STK33: variants seen among roughly 807,000 people sequenced by gnomAD.
STK33 encodes serine/threonine-protein kinase 33.
A neutral mutation model predicts 58.0 loss-of-function variants in STK33; 52 were observed. The ratio of observed to expected loss-of-function variants is 0.90; its 90% CI spans 0.72 to 1.13. The LOEUF is 1.13. STK33 is among the 50% of genes most tolerant of loss of function. The pLI is 0.00. For missense variants in STK33, 630 were observed against 604.2 expected (o/e 1.04, Z -0.45); for synonymous variants, 215 against 200.1 (o/e 1.07, Z -0.63).
intron 1 of STK33, among the ~76,000 whole-genome samples, chr11:8,532,144 T>C (rs1377357516): frequency 6.6e-6 from 1 of 152,252 alleles, no homozygotes; most frequent in Non-Finnish European, 1.5e-5. Context: ...CATCCCAGAC[T>C]GATTCTGTAA....
intron 15 of STK33, among the ~76,000 whole-genome samples, chr11:8,402,855 TAGATTA>T (rs1938356112): frequency 6.6e-6 from 1 of 152,248 alleles, no homozygotes; most frequent in African/African-American, 2.4e-5. Flanking sequence ...TGTTAGGTTA[TAGATTA>T]TCTAAGTTTT....
the STK33 span, among the ~76,000 whole-genome samples, chr11:8,356,004 C>G: frequency 6.6e-6 from 1 of 152,172 alleles, no homozygotes; most frequent in Admixed American, 6.5e-5. Context: ...CCTTGAGTAA[C>G]AGGGAGTAAA....
chr11:8,530,767 G>A (rs945324287), intron 1 of STK33, among the ~76,000 whole-genome samples: 50 of 152,274 alleles, frequency 3.3e-4, no homozygotes, highest in African/African-American at 1.1e-3. Flanking sequence ...TCGGCTCACT[G>A]CAACCTCTGC....
intron 15 of STK33, among the ~76,000 whole-genome samples, chr11:8,397,328 C>T (rs1019416910): frequency 2.0e-5 from 3 of 152,236 alleles, no homozygotes; most frequent in African/African-American, 7.2e-5. Context: ...CTGCAGCCTC[C>T]GCTGCTGACA....
intron 14 of STK33, among the ~76,000 whole-genome samples, chr11:8,424,746 T>C (rs919931645): frequency 2.0e-5 from 3 of 146,586 alleles, no homozygotes; most frequent in African/African-American, 7.8e-5. Context: ...CCAGTGATGA[T>C]GAGCATTTTT....
chr11:8,473,171 CA>C lies in STK33; in HGVS notation c.330del (p.Ala111LeufsTer19). The C allele has an allele frequency of 6.2e-7, 1 of 1,609,786 alleles. No homozygotes were observed. The highest frequency in any genetic ancestry group is 8.5e-7 in the Non-Finnish European group (1 of 1,177,390). ...ATTTGCTTTCTATATACCTCAATAG[CA>C]GCTCCATTCTCAATCCTTATGTGAG... ...KVPHIRIENG[A>X]AIEEIYTFGR... On this transcript the variant is annotated frameshift_variant, in exon 6 of 16. Coordinates refer to ENST00000687296, the MANE Select transcript of STK33 (RefSeq NM_001352389.2). LOFTEE classifies it high-confidence loss of function.
the STK33 span, among the ~76,000 whole-genome samples, chr11:8,357,361 G>A: frequency 2.0e-5 from 3 of 152,244 alleles, no homozygotes; most frequent in Non-Finnish European, 2.9e-5. Flanking sequence ...CCAGGAGTGC[G>A]AGCTGTCAGC....
At chr11:8,364,302 AT>A in the STK33 span, among the ~76,000 whole-genome samples, 2 of 152,266 alleles carry the variant, frequency 1.3e-5, no homozygotes, top group African/African-American at 4.8e-5. Context: ...TATCATTTTC[AT>A]TTCTTTGTTG....
Position 8,401,814 on chromosome 11 carries a change from C to G in STK33, c.1345-9104G>C, listed in dbSNP as rs138902943. On this transcript the variant is annotated intron_variant, in intron 15 of 15. Coordinates refer to ENST00000687296, the MANE Select transcript of STK33 (RefSeq NM_001352389.2). ...TCAAAAAGTGGGCAAAGGATATGAACGGACACTTCTCAAAAGAAGACATTT... is the reference window on the plus strand; with the variant it reads ...TCAAAAAGTGGGCAAAGGATATGAAGGGACACTTCTCAAAAGAAGACATTT... 6.6e-5 allele frequency among the ~76,000 whole-genome samples: 10 copies of G among 152,108 alleles called. 1 individual carries two copies. The East Asian group carries it at 1.7e-3, about 26-fold the overall frequency.
At chr11:8,537,567 A>C (rs1955135202) in intron 1 of STK33, among the ~76,000 whole-genome samples, 1 of 152,058 alleles carries the variant, frequency 6.6e-6, no homozygotes. Context: ...TGGTATGATA[A>C]GTGATTTTCT....
chr11:8,454,309 T>G (rs183808957), intron 10 of STK33, among the ~76,000 whole-genome samples: 367 of 152,304 alleles, frequency 2.4e-3, no homozygotes, highest in African/African-American at 8.4e-3. Flanking sequence ...ACTTGGCACA[T>G]TAATTGTACT....
chr11:8,341,890 CA>C, the STK33 span, among the ~76,000 whole-genome samples: 241 of 152,252 alleles, frequency 1.6e-3, 1 homozygote, highest in African/African-American at 5.4e-3. Flanking sequence ...GTTATCAAAC[CA>C]AACTTGGGCC....
At chr11:8,590,577 G>A (rs2032441541) in intron 1 of STK33, among the ~76,000 whole-genome samples, 1 of 152,052 alleles carries the variant, frequency 6.6e-6, no homozygotes, top group South Asian at 2.1e-4. Flanking sequence ...ATGTAGAAAG[G>A]ACATTCTAAT....
the STK33 span, among the ~76,000 whole-genome samples, chr11:8,358,087 C>T: frequency 2.2e-4 from 33 of 152,338 alleles, no homozygotes; most frequent in East Asian, 1.9e-3. Flanking sequence ...CTTGGTTCTC[C>T]AGACTCTGCC....
rs1055259391 is a variant in STK33 at position 8,492,526 on chromosome 11, T to C, written c.-465-11912A>G. On this transcript the variant is annotated intron_variant, in intron 1 of 15. Coordinates refer to ENST00000687296, the MANE Select transcript of STK33 (RefSeq NM_001352389.2). ...GACTATAACACCCCACTGTCAATAT[T>C]AGACAGATCAACGAGACAGAAAGTT... 2.0e-5 allele frequency among the ~76,000 whole-genome samples: 3 copies of C among 152,294 alleles called. No homozygotes were observed. The East Asian group carries it at 5.8e-4, about 29-fold the overall frequency.
intron 1 of STK33, among the ~76,000 whole-genome samples, chr11:8,522,864 G>A (rs1001472952): frequency 3.9e-5 from 6 of 151,988 alleles, no homozygotes; most frequent in Non-Finnish European, 5.9e-5. Context: ...CTGTACTGCC[G>A]CCATCTCGGC....
intron 1 of STK33, among the ~76,000 whole-genome samples, chr11:8,498,036 G>A (rs1951195263): frequency 6.6e-6 from 1 of 152,088 alleles, no homozygotes; most frequent in South Asian, 2.1e-4. Context: ...ACTGATCTCA[G>A]AAATACAAGG....
intron 6 of STK33, among the ~76,000 whole-genome samples, chr11:8,472,126 G>A (rs1490189955): frequency 6.6e-6 from 1 of 151,968 alleles, no homozygotes; most frequent in African/African-American, 2.4e-5. Context: ...AAGGAGTTTT[G>A]CTATGTTGCC....
At chr11:8,490,044 T>G (rs932749767) in intron 1 of STK33, among the ~76,000 whole-genome samples, 23 of 152,172 alleles carry the variant, frequency 1.5e-4, no homozygotes, top group Admixed American at 4.6e-4. Context: ...CTGAGGTACC[T>G]GGTTCATCTC....
Sources: allele counts gnomAD v4.1 joint callset (sites outside exome capture counted in the v4.1 genomes callset), GRCh38; gene constraint gnomAD v4.1.1; transcripts MANE v1.5; gene names NCBI Gene and HGNC (gene_info 2026-07-23, HGNC 2026-07-21).